FBXO42: variants seen among roughly 807,000 people sequenced by gnomAD.
FBXO42 encodes the protein F-box protein 42.
FBXO42 carries 12 observed loss-of-function variants against 71.7 expected under a neutral mutation model. The ratio of observed to expected loss-of-function variants is 0.17; its 90% CI spans 0.11 to 0.27. The LOEUF is 0.27. FBXO42 is among the 10% of genes least tolerant of loss of function. The pLI, the probability that FBXO42 is intolerant of heterozygous loss-of-function variation, is 1.00. For synonymous variants in FBXO42, 325 were observed against 327.5 expected (o/e 0.99, Z 0.08); for missense variants, 707 against 911.9 (o/e 0.78, Z 2.89).
intron 1 of FBXO42, among the ~76,000 whole-genome samples, chr1:16,322,927 T>C (rs560537263): frequency 7.9e-5 from 12 of 152,352 alleles, no homozygotes; most frequent in African/African-American, 2.9e-4. Context: ...GAAACTGCTA[T>C]GCATTTAAAA....
intron 1 of FBXO42, among the ~76,000 whole-genome samples, chr1:16,323,365 C>G (rs2082423702): frequency 1.3e-5 from 2 of 151,884 alleles, no homozygotes; most frequent in Admixed American, 6.6e-5. Context: ...TTGCAGTAAG[C>G]CAAGATCGTG....
In FBXO42 at chr1:16,251,310, T is replaced by C. The variant is rs144331701; in HGVS notation, c.1514A>G (p.Asp505Gly). 2 of 1,614,184 alleles carry C rather than the reference T, an allele frequency of 1.2e-6. No homozygotes were observed. Among genetic ancestry groups the C allele is most frequent in the African/African-American group, 2.7e-5 (2 of 75,066 alleles). The change falls in exon 10 of 10, where the codon GAT (aspartate) becomes GGT (glycine). Residue 505 changes from aspartate to glycine, a missense_variant. By Grantham distance (94) the Asp-to-Gly change is moderately conservative. Transcript: ENST00000375592. This position sits in a 1 kb window ranked among gnomAD's most constrained non-coding sequence, Gnocchi z 4.5. ...ATTACTACTGGAAGCGGGTTTCAGATCCCAATTCAGATCTATGGATCCTAA... is the reference window on the plus strand; with the variant it reads ...ATTACTACTGGAAGCGGGTTTCAGACCCCAATTCAGATCTATGGATCCTAA... ...LRLGSIDLNW[D>G]LKPASSSNPM... is the part of the protein sequence containing the mutation.
intron 3 of FBXO42, among the ~76,000 whole-genome samples, chr1:16,303,226 A>G (rs2082214922): frequency 1.3e-5 from 2 of 152,214 alleles, no homozygotes; most frequent in Admixed American, 6.6e-5. Context: ...AAACTCCTAC[A>G]TGCAGCACAC....
rs1336827069 is a variant in FBXO42, at chr1:16,252,247, T to C, written c.1038+41A>G. ...CAAAGTAATGTGGTTTTCCACAATT[T>C]AGGACCTGTCCTCCTGCTAGCCTGT... On this transcript the variant is annotated intron_variant, in intron 9 of 9. Transcript: ENST00000375592. The surrounding 1 kb of genome is among the most constrained non-coding windows in gnomAD (Gnocchi z 4.4). 1 of 1,464,696 alleles carries C rather than the reference T, an allele frequency of 6.8e-7. No individual in the cohort carries two copies. Among genetic ancestry groups the C allele is most frequent in the Non-Finnish European group, 9.6e-7 (1 of 1,044,584 alleles). 90.7% of individuals were successfully genotyped at this position (1,464,696 alleles called of 1,614,324 possible).
intron 1 of FBXO42, among the ~76,000 whole-genome samples, chr1:16,345,380 G>A (rs1178753015): frequency 6.6e-6 from 1 of 152,044 alleles, no homozygotes; most frequent in Non-Finnish European, 1.5e-5. Context: ...CTGAGATCCT[G>A]CCACTGAACT....
At chr1:16,324,770 C>T (rs944034440) in intron 1 of FBXO42, among the ~76,000 whole-genome samples, 45 of 151,876 alleles carry the variant, frequency 3.0e-4, no homozygotes, top group African/African-American at 1.0e-3. Context: ...GAGCCAAGAT[C>T]GCGCAACTAC....
At chr1:16,346,894 A>C (rs2082658747) in intron 1 of FBXO42, among the ~76,000 whole-genome samples, 1 of 150,848 alleles carries the variant, frequency 6.6e-6, no homozygotes, top group Non-Finnish European at 1.5e-5. Context: ...AACTGGGATT[A>C]CAGGCACACA....
At chr1:16,269,088 C>T (rs1465285396) in intron 4 of FBXO42, among the ~76,000 whole-genome samples, 3 of 132,232 alleles carry the variant, frequency 2.3e-5, no homozygotes, top group South Asian at 5.4e-4. Flanking sequence ...GGATTACAGG[C>T]GTGAGCCACC....
rs1569804541 is a variant in FBXO42 at position 16,252,487 on chromosome 1, T to C, written c.922-83A>G. The C allele has an allele frequency of 1.0e-5, 11 of 1,088,604 alleles. No homozygotes were observed. In the East Asian group the frequency reaches 2.6e-4, roughly 26 times the overall value. The allele number at this position is 1,088,604 out of a possible 1,614,324, so 67.4% of individuals were successfully genotyped here. ...ACACACAGAGTTGCAGTCTCAAAGC[T>C]CTCCTGTCTGGTCTTGAAAGGATGT... On this transcript the variant is annotated intron_variant, in intron 8 of 9. Coordinates refer to ENST00000375592, the MANE Select transcript of FBXO42 (RefSeq NM_018994.3). This position sits in a 1 kb window ranked among gnomAD's most constrained non-coding sequence, Gnocchi z 4.4.
intron 4 of FBXO42, among the ~76,000 whole-genome samples, chr1:16,281,001 G>A (rs1425903052): frequency 6.6e-6 from 1 of 152,140 alleles, no homozygotes; most frequent in African/African-American, 2.4e-5. Flanking sequence ...CACTGTTGTT[G>A]CCCAGGCTGG....
At chr1:16,288,431 AAAAAAT>A (rs1349697025) in intron 4 of FBXO42, among the ~76,000 whole-genome samples, 43 of 150,204 alleles carry the variant, frequency 2.9e-4, no homozygotes, top group African/African-American at 8.8e-4. Flanking sequence ...TCCATCTCAA[AAAAAAT>A]AAAAATAAAA....
At chr1:16,348,653 AT>A (rs2082673965) in intron 1 of FBXO42, among the ~76,000 whole-genome samples, 1 of 152,164 alleles carries the variant, frequency 6.6e-6, no homozygotes, top group Non-Finnish European at 1.5e-5. Context: ...GTGAGCAGAG[AT>A]TGCGCCACTG....
rs114992158 is a variant in FBXO42 at position 16,336,303 on chromosome 1, G to C, written c.-18+15952C>G. 4.6e-3 allele frequency among the ~76,000 whole-genome samples: 694 copies of C among 151,636 alleles called. 7 individuals carry two copies. The highest frequency in any genetic ancestry group is 0.016 in the African/African-American group (669 of 41,408). On this transcript the variant is annotated intron_variant, in intron 1 of 9. Coordinates refer to ENST00000375592, the MANE Select transcript of FBXO42 (RefSeq NM_018994.3). ...TCCTCTCTCCTTCAGCCAAATGATC[G>C]TAATATTCTCTCTTCCCACCTCTAT...
intron 4 of FBXO42, among the ~76,000 whole-genome samples, chr1:16,281,998 C>T (rs982082068): frequency 2.0e-5 from 3 of 151,868 alleles, no homozygotes; most frequent in Non-Finnish European, 2.9e-5. Flanking sequence ...CCATGCCTGG[C>T]CAAAGGTAGC....
chr1:16,253,221 G>A, intron 7 of FBXO42, 69 bp from the exon 8 acceptor site: 1 of 1,410,110 alleles, frequency 7.1e-7, no homozygotes, highest in Non-Finnish European at 9.9e-7. Flanking sequence ...TGCTTCACTG[G>A]TATATGAGAA....
intron 2 of FBXO42, among the ~76,000 whole-genome samples, chr1:16,310,071 T>C (rs1339597251): frequency 1.3e-5 from 2 of 151,590 alleles, no homozygotes; most frequent in South Asian, 2.1e-4. Flanking sequence ...GGTGGATGCC[T>C]GTAGTCCCAG....
chr1:16,272,594 T>A (rs1387942528), intron 4 of FBXO42, among the ~76,000 whole-genome samples: 2 of 152,124 alleles, frequency 1.3e-5, no homozygotes, highest in Non-Finnish European at 2.9e-5. Flanking sequence ...AAGGCTTGGC[T>A]GAAGGAACAA....
At chr1:16,259,715 G>A (rs556731463) in intron 4 of FBXO42, among the ~76,000 whole-genome samples, 2 of 148,114 alleles carry the variant, frequency 1.4e-5, no homozygotes, top group African/African-American at 2.5e-5. Flanking sequence ...GCAGTGAGCC[G>A]AGATTGAGCC....
intron 1 of FBXO42, among the ~76,000 whole-genome samples, chr1:16,317,246 C>T (rs2082376281): frequency 6.6e-6 from 1 of 152,090 alleles, no homozygotes; most frequent in Non-Finnish European, 1.5e-5. Context: ...AGTGAAACTC[C>T]ATCTCTACTA....
Sources: gnomAD v4.1 joint callset for allele counts (sites outside exome capture counted in the v4.1 genomes callset) on GRCh38, gnomAD v4.1.1 for gene constraint, Gnocchi (gnomAD v3.1) non-coding constraint, MANE v1.5 for transcripts, NCBI Gene and HGNC (gene_info 2026-07-23, HGNC 2026-07-21) for gene names.